The following SYT16 variants were observed in gnomAD, a reference collection of about 807,000 sequenced individuals.
SYT16 encodes synaptotagmin-16.
Under a neutral mutation model 61.4 loss-of-function variants are expected in SYT16, and 42 were observed. The observed-to-expected ratio is 0.68, with a 90% CI of 0.53 to 0.89. The LOEUF is 0.89. Among genes scored for constraint, SYT16 ranks in the 40% least tolerant of loss-of-function variants. SYT16 has a pLI of 0.00. For synonymous variants in SYT16, 314 were observed against 302.3 expected, an observed-to-expected ratio of 1.04 and a Z score of -0.40; for missense variants, 804 against 807.3, an observed-to-expected ratio of 1.00 and a Z score of 0.05.
chr14:62,064,096 T>G (rs2055949919), intron 3 of SYT16, among the ~76,000 whole-genome samples: 3 of 152,156 alleles, frequency 2.0e-5, no homozygotes, highest in Admixed American at 2.0e-4. Flanking sequence ...AATAAAAATT[T>G]CTACTGTATT....
In SYT16 at chr14:62,064,992, G is replaced by A. The variant is rs1031853414; in HGVS notation, c.524-4611G>A. ...GAGAATTCCCTGAGGTCCTTGGGGA[G>A]TGAGGCTTAGAATAGCACGTGTGGA... On this transcript the variant is annotated intron_variant, in intron 3 of 7. Transcript: ENST00000683842. Among the ~76,000 whole-genome samples the A allele has an allele frequency of 2.6e-5, 4 of 152,198 alleles. No individual in the cohort carries two copies. In the East Asian group the frequency reaches 5.8e-4, roughly 22 times the overall value.
chr14:62,068,583 A>G (rs2140938633), intron 3 of SYT16, among the ~76,000 whole-genome samples: 1 of 152,306 alleles, frequency 6.6e-6, no homozygotes, highest in Admixed American at 6.5e-5. Flanking sequence ...GTTACACAAA[A>G]AAGTAACTAT....
chr14:61,858,962 C>G (rs1201117521), intron 1 of SYT16, among the ~76,000 whole-genome samples: 3 of 151,344 alleles, frequency 2.0e-5, no homozygotes, highest in African/African-American at 7.3e-5. Context: ...TCACGCCATT[C>G]TCCTGCCTCA....
intron 7 of SYT16, among the ~76,000 whole-genome samples, chr14:62,095,904 G>C (rs1042649445): frequency 6.6e-6 from 1 of 151,960 alleles, no homozygotes; most frequent in Non-Finnish European, 1.5e-5. Flanking sequence ...ATCAAGACAT[G>C]TTATAAAATG....
chr14:61,986,663 CATTAG>C (rs1434757022), intron 2 of SYT16, among the ~76,000 whole-genome samples: 2 of 151,984 alleles, frequency 1.3e-5, no homozygotes, highest in Non-Finnish European at 2.9e-5. Flanking sequence ...CAAGTGTTCT[CATTAG>C]AACAGATACT....
At position 62,106,591 on chromosome 14, in the gene SYT16, G is replaced by C. The variant is rs1169486959; in HGVS notation, c.*5884G>C. The stretch of plus-strand genomic sequence containing the variant: ...AAAAAGAATCAACAATAACACTCCA[G>C]GCCTGTCTTCTTCCACTTTGGACAT... On this transcript the variant is annotated 3_prime_UTR_variant, in exon 8 of 8. Transcript: ENST00000683842. The C allele has an allele frequency of 6.6e-6, 1 of 152,114 alleles. No individual in the cohort carries two copies. The highest frequency in any genetic ancestry group is 2.4e-5 in the African/African-American group (1 of 41,400). 9.4% of individuals were successfully genotyped at this position (152,114 alleles called of 1,614,324 possible). A position where few individuals can be genotyped will look rare whatever the true frequency, so the allele number is the denominator to read the frequency against.
chr14:61,864,475 C>T (rs1193743823), intron 1 of SYT16, among the ~76,000 whole-genome samples: 1 of 152,256 alleles, frequency 6.6e-6, no homozygotes, highest in Non-Finnish European at 1.5e-5. Flanking sequence ...TGTCCACTGG[C>T]GCAGTACTTG....
intron 3 of SYT16, among the ~76,000 whole-genome samples, chr14:62,065,223 G>C (rs2056010726): frequency 6.6e-6 from 1 of 152,162 alleles, no homozygotes; most frequent in South Asian, 2.1e-4. Flanking sequence ...AATGAAATCT[G>C]ATGATATGCA....
chr14:61,866,309 A>G (rs1258550680), intron 1 of SYT16, among the ~76,000 whole-genome samples: 1 of 152,158 alleles, frequency 6.6e-6, no homozygotes, highest in African/African-American at 2.4e-5. Context: ...AAAAAGGAAG[A>G]GGAGGGTGGG....
Position 62,097,953 on chromosome 14 carries a change from T to G in SYT16, c.1625-2441T>G, listed in dbSNP as rs150968402. Among the ~76,000 whole-genome samples the G allele has an allele frequency of 3.9e-3, 591 of 152,320 alleles. 6 individuals are homozygous for G. Among genetic ancestry groups the G allele is most frequent in the African/African-American group, 0.013 (558 of 41,576 alleles). On this transcript the variant is annotated intron_variant, in intron 7 of 7. Transcript: ENST00000683842. The stretch of plus-strand genomic sequence containing the variant: ...CAGAAACACAAATCCACTCCCTCAT[T>G]GTTGGTTTTCTGACAGCTTTTTCTG...
At chr14:62,011,942 T>TATATATATATATATA (rs1555370094) in intron 3 of SYT16, among the ~76,000 whole-genome samples, 1 of 144,694 alleles carries the variant, frequency 6.9e-6, no homozygotes, top group African/African-American at 2.8e-5. Context: ...TATATATATA[T>TATATATATATATATA]TTGATGCTGT....
chr14:61,941,124 A>G (rs989287254), intron 1 of SYT16, among the ~76,000 whole-genome samples: 2 of 152,182 alleles, frequency 1.3e-5, no homozygotes, highest in Admixed American at 6.5e-5. Flanking sequence ...AGACAAACAC[A>G]TGCCTATCAG....
chr14:61,876,195 A>C (rs986254003), intron 1 of SYT16, among the ~76,000 whole-genome samples: 3 of 152,178 alleles, frequency 2.0e-5, no homozygotes, highest in African/African-American at 7.2e-5. Context: ...CATTTTGCAT[A>C]ATTTTGCTTT....
At chr14:61,973,311 C>T (rs1427095686) in intron 2 of SYT16, among the ~76,000 whole-genome samples, 1 of 152,186 alleles carries the variant, frequency 6.6e-6, no homozygotes, top group East Asian at 1.9e-4. Context: ...TGGTGTTTTC[C>T]TAATAACATA....
At chr14:61,990,793 A>G (rs1156550865) in intron 2 of SYT16, among the ~76,000 whole-genome samples, 1 of 152,282 alleles carries the variant, frequency 6.6e-6, no homozygotes, top group Non-Finnish European at 1.5e-5. Flanking sequence ...GACTATGAGC[A>G]TTGTTATTCT....
chr14:62,061,662 TGTA>T (rs1453035309), intron 3 of SYT16, among the ~76,000 whole-genome samples: 3 of 152,162 alleles, frequency 2.0e-5, no homozygotes, highest in African/African-American at 4.8e-5. Flanking sequence ...AAGTATGTTT[TGTA>T]GTGGTAAAGT....
At chr14:62,043,477 A>C (rs117605481) in intron 3 of SYT16, among the ~76,000 whole-genome samples, 1 of 142,078 alleles carries the variant, frequency 7.0e-6, no homozygotes, top group East Asian at 2.1e-4. Context: ...GTGTGATCTC[A>C]GCACACTGCA....
intron 3 of SYT16, among the ~76,000 whole-genome samples, chr14:62,046,664 C>G (rs1208865497): frequency 6.6e-6 from 1 of 152,196 alleles, no homozygotes; most frequent in Non-Finnish European, 1.5e-5. Context: ...TTTCAGCTTT[C>G]TACATATGGT....
chr14:62,083,368 C>G (rs556796143), intron 6 of SYT16, among the ~76,000 whole-genome samples: 6 of 152,310 alleles, frequency 3.9e-5, no homozygotes, highest in Admixed American at 1.3e-4. Context: ...ACAGGATTGC[C>G]TGCCCCCACA....
Sources: gnomAD v4.1 joint callset for allele counts (sites outside exome capture counted in the v4.1 genomes callset) on GRCh38, gnomAD v4.1.1 for gene constraint, MANE v1.5 for transcripts, NCBI Gene and HGNC (gene_info 2026-07-23, HGNC 2026-07-21) for gene names.